Variants in SYT1 observed in about 807,000 individuals in gnomAD.
SYT1 encodes the protein synaptotagmin 1.
Under a neutral mutation model 44.8 loss-of-function variants are expected in SYT1, and 8 were observed. That is an observed-to-expected ratio of 0.18 (90% CI 0.10 to 0.32). The LOEUF is 0.32. Among genes scored for constraint, SYT1 ranks in the 10% least tolerant of loss-of-function variants. The probability of loss-of-function intolerance (pLI) is 1.00; values close to 1 mark genes in which losing one functional copy is unlikely to be tolerated. For synonymous variants in SYT1, 154 were observed against 188.8 expected, an observed-to-expected ratio of 0.82 and a Z score of 1.51; for missense variants, 286 against 509.3, an observed-to-expected ratio of 0.56 and a Z score of 4.22.
intron 1 of SYT1, among the ~76,000 whole-genome samples, chr12:78,900,972 A>G (rs555105122): frequency 1.3e-5 from 2 of 152,250 alleles, no homozygotes; most frequent in African/African-American, 4.8e-5. Flanking sequence ...ATCCTTTTAC[A>G]TGAATGCATT....
intron 3 of SYT1, among the ~76,000 whole-genome samples, chr12:79,101,685 T>C (rs929924519): frequency 6.6e-6 from 1 of 152,080 alleles, no homozygotes; most frequent in African/African-American, 2.4e-5. Context: ...CTTTGCAAAG[T>C]TGAGGTGTAG....
At chr12:79,257,729 C>T (rs1012770877) in intron 4 of SYT1, among the ~76,000 whole-genome samples, 7 of 152,126 alleles carry the variant, frequency 4.6e-5, no homozygotes, top group Admixed American at 6.5e-5. Flanking sequence ...CCTGGTGATC[C>T]GCTCGCCTCG....
At chr12:79,277,633 C>T (rs574736411) in intron 4 of SYT1, among the ~76,000 whole-genome samples, 39 of 152,096 alleles carry the variant, frequency 2.6e-4, no homozygotes, top group African/African-American at 9.2e-4. Context: ...AATTAATGAT[C>T]CACATGATGA....
intron 3 of SYT1, among the ~76,000 whole-genome samples, chr12:79,064,853 T>C (rs1421578060): frequency 6.6e-6 from 1 of 151,438 alleles, no homozygotes; most frequent in African/African-American, 2.4e-5. Flanking sequence ...TTCTCTCTCC[T>C]GCTCCAGTAC....
At chr12:79,394,237 A>G (rs1300857068) in intron 9 of SYT1, among the ~76,000 whole-genome samples, 3 of 152,238 alleles carry the variant, frequency 2.0e-5, no homozygotes, top group African/African-American at 7.2e-5. Context: ...AGGGGTATGT[A>G]GCCGGGTATT....
intron 2 of SYT1, among the ~76,000 whole-genome samples, chr12:79,033,722 T>G (rs1226292769): frequency 6.6e-6 from 1 of 151,394 alleles, no homozygotes; most frequent in Non-Finnish European, 1.5e-5. Context: ...CAAAGTAAAT[T>G]TTTAAAAATT....
At chr12:79,084,334 A>G (rs764427058) in intron 3 of SYT1, among the ~76,000 whole-genome samples, 5 of 152,174 alleles carry the variant, frequency 3.3e-5, no homozygotes, top group Admixed American at 6.6e-5. Context: ...GCATAAAGAT[A>G]TTATGAGGGT....
At chr12:79,036,997 AT>A (rs1205618774) in intron 2 of SYT1, among the ~76,000 whole-genome samples, 1 of 151,822 alleles carries the variant, frequency 6.6e-6, no homozygotes, top group Non-Finnish European at 1.5e-5. Context: ...CAGAAATAGG[AT>A]TATAAGATAC....
chr12:78,962,499 C>T (rs1317949505), intron 1 of SYT1, among the ~76,000 whole-genome samples: 1 of 151,998 alleles, frequency 6.6e-6, no homozygotes, highest in Non-Finnish European at 1.5e-5. Flanking sequence ...CTAATTACAT[C>T]AACCAAGTGG....
At chr12:79,418,057 A>G (rs1293760460) in intron 9 of SYT1, among the ~76,000 whole-genome samples, 1 of 152,106 alleles carries the variant, frequency 6.6e-6, no homozygotes, top group African/African-American at 2.4e-5. Context: ...CCTCTTTCTA[A>G]TGTTTATGAC....
chr12:79,097,765 T>C (rs559563679), intron 3 of SYT1, among the ~76,000 whole-genome samples: 3 of 152,172 alleles, frequency 2.0e-5, no homozygotes, highest in Admixed American at 6.6e-5. Context: ...TACATTTATA[T>C]TTAATAATGA....
At chr12:78,991,540 T>C (rs1170158315) in intron 2 of SYT1, among the ~76,000 whole-genome samples, 1 of 152,142 alleles carries the variant, frequency 6.6e-6, no homozygotes, top group African/African-American at 2.4e-5. Flanking sequence ...AACATTGATT[T>C]GTAATTAAGA....
At chr12:78,909,581 T>TAGA (rs1022136742) in intron 1 of SYT1, among the ~76,000 whole-genome samples, 2 of 151,906 alleles carry the variant, frequency 1.3e-5, no homozygotes, top group African/African-American at 4.8e-5. Flanking sequence ...ATATTTTTCT[T>TAGA]ATGGTTAAAT....
intron 3 of SYT1, among the ~76,000 whole-genome samples, chr12:79,178,614 T>C (rs1872052278): frequency 6.6e-6 from 1 of 151,962 alleles, no homozygotes; most frequent in South Asian, 2.1e-4. Context: ...ATTATTTTTC[T>C]AGGCTCATTT....
chr12:79,408,385 C>T (rs1868311916), intron 9 of SYT1, among the ~76,000 whole-genome samples: 2 of 152,096 alleles, frequency 1.3e-5, no homozygotes, highest in Non-Finnish European at 2.9e-5. Flanking sequence ...AGGGAGGAGG[C>T]CTCCAGAAAA....
chr12:79,146,666 G>A (rs1343465061), intron 3 of SYT1, among the ~76,000 whole-genome samples: 8 of 151,976 alleles, frequency 5.3e-5, no homozygotes, highest in Admixed American at 4.6e-4. Context: ...CAACAATTCT[G>A]GAAAATAATA....
chr12:79,063,755 G>A (rs1055060007), intron 3 of SYT1, among the ~76,000 whole-genome samples: 12 of 152,190 alleles, frequency 7.9e-5, no homozygotes, highest in Admixed American at 7.9e-4. Flanking sequence ...ATTCAATAGG[G>A]AAAAATAATA....
chr12:79,275,127 A>G (rs1362129600), intron 4 of SYT1, among the ~76,000 whole-genome samples: 2 of 152,122 alleles, frequency 1.3e-5, no homozygotes, highest in Non-Finnish European at 2.9e-5. Flanking sequence ...AGCACCCCAC[A>G]GGACAAAAGA....
chr12:78,917,038 C>T (rs1039027318), intron 1 of SYT1, among the ~76,000 whole-genome samples: 1 of 151,988 alleles, frequency 6.6e-6, no homozygotes, highest in African/African-American at 2.4e-5. Flanking sequence ...GCAATCCTAC[C>T]ACTTCAGCCA....
Sources: allele counts gnomAD v4.1 joint callset (sites outside exome capture counted in the v4.1 genomes callset), GRCh38; gene constraint gnomAD v4.1.1; transcripts MANE v1.5; gene names NCBI Gene and HGNC (gene_info 2026-07-23, HGNC 2026-07-21).